Variants in ATP11C observed in about 807,000 individuals in gnomAD.
ATP11C encodes the protein phospholipid-transporting ATPase IG.
A neutral mutation model predicts 97.4 loss-of-function variants in ATP11C; 36 were observed. The observed-to-expected ratio is 0.37, with a 90% CI of 0.28 to 0.49. The LOEUF is 0.49. ATP11C is among the 20% of genes least tolerant of loss of function. The pLI, the probability that ATP11C is intolerant of heterozygous loss-of-function variation, is 0.98. For synonymous variants in ATP11C, 275 were observed against 290.9 expected (o/e 0.95, Z 0.56); for missense variants, 730 against 824.6 (o/e 0.89, Z 1.40).
intron 1 of ATP11C, among the ~76,000 whole-genome samples, chrX:139,886,903 TG>T (rs750636554): frequency 5.5e-5 from 6 of 108,612 alleles, no homozygotes; most frequent in Admixed American, 2.1e-4. Flanking sequence ...TAAACAATTT[TG>T]TAAAAAAAAA....
At chrX:139,769,566 T>C (rs1268706843) in intron 19 of ATP11C, among the ~76,000 whole-genome samples, 1 of 107,991 alleles carries the variant, frequency 9.3e-6, no homozygotes, top group East Asian at 2.9e-4. Context: ...GTGTAACAGG[T>C]GCCAAGTATT....
chrX:139,915,956 C>T (rs1286861735), intron 1 of ATP11C, among the ~76,000 whole-genome samples: 1 of 110,984 alleles, frequency 9.0e-6, no homozygotes, highest in Non-Finnish European at 1.9e-5. Context: ...GTGGCCAGCA[C>T]GGTGGCTCAC....
intron 10 of ATP11C, 69 bp from the exon 11 acceptor site, chrX:139,797,395 C>A: frequency 1.2e-6 from 1 of 836,408 alleles, no homozygotes. Flanking sequence ...ACTACTGAGT[C>A]ATCTAAAGCT....
At chrX:139,927,772 G>A (rs990336548) in intron 1 of ATP11C, among the ~76,000 whole-genome samples, 7 of 110,692 alleles carry the variant, frequency 6.3e-5, no homozygotes, top group African/African-American at 9.9e-5. Context: ...ACTATGGTCA[G>A]TATAGCTTTC....
Position 139,784,030 on chromosome X carries a change from C to T in ATP11C, c.1667-763G>A, listed in dbSNP as rs180698042. Among the ~76,000 whole-genome samples, 3 of 112,244 alleles carry T rather than the reference C, an allele frequency of 2.7e-5. No individual in the cohort carries two copies. The Admixed American group carries it at 2.8e-4, about 11-fold the overall frequency. On this transcript the variant is annotated intron_variant, in intron 16 of 29. Coordinates refer to ENST00000682941, the MANE Select transcript of ATP11C (RefSeq NM_001353812.2). ...TGATAGTTTTTACTGATGAGAATAG[C>T]TTTGTAGAATGCTGGTATAATTGCA...
chrX:139,754,726 T>C (rs1474357654), intron 23 of ATP11C, among the ~76,000 whole-genome samples: 2 of 112,341 alleles, frequency 1.8e-5, no homozygotes, highest in Non-Finnish European at 3.8e-5. Context: ...ATTTATCACA[T>C]AAACAGAACT....
intron 1 of ATP11C, among the ~76,000 whole-genome samples, chrX:139,845,502 T>C (rs1179178574): frequency 8.9e-6 from 1 of 112,115 alleles, no homozygotes; most frequent in Non-Finnish European, 1.9e-5. Flanking sequence ...GAAGTCTGAA[T>C]ATATAGTTCA....
chrX:139,798,528 G>C, intron 9 of ATP11C, 151 bp downstream of exon 9: 2 of 516,112 alleles, frequency 3.9e-6, no homozygotes, highest in Non-Finnish European at 6.3e-6. Flanking sequence ...GTCATATTTC[G>C]TCTTAGTTTA....
intron 23 of ATP11C, among the ~76,000 whole-genome samples, chrX:139,753,029 T>A (rs2081855065): frequency 9.0e-6 from 1 of 111,418 alleles, no homozygotes; most frequent in Admixed American, 9.5e-5. Context: ...CAAAGAGACT[T>A]CAACACCCTA....
intron 1 of ATP11C, among the ~76,000 whole-genome samples, chrX:139,897,161 G>A (rs1444519117): frequency 9.0e-6 from 1 of 110,515 alleles, no homozygotes. Context: ...GGGAGGCCAA[G>A]GTAGCAGTAA....
At chrX:139,901,520 T>C (rs957112699) in intron 1 of ATP11C, among the ~76,000 whole-genome samples, 4 of 111,538 alleles carry the variant, frequency 3.6e-5, no homozygotes, top group African/African-American at 1.3e-4. Context: ...GCCCTGAACA[T>C]AGCTGGCAAC....
rs866939870 is a variant in ATP11C, at chrX:139,932,192, G to T, written c.-150C>A. The stretch of plus-strand genomic sequence containing the variant: ...CACCCGCTCGCCGCCTGCCCCCCTC[G>T]GCTCTCCGCGCTCCCCCGCCCCCCA... On this transcript the variant is annotated 5_prime_UTR_variant, in exon 1 of 30. Coordinates refer to ENST00000682941, the MANE Select transcript of ATP11C (RefSeq NM_001353812.2). 1.2e-3 allele frequency: 387 copies of T among 322,218 alleles called. 2 individuals are homozygous for T. The highest frequency in any genetic ancestry group is 8.9e-3 in the African/African-American group (304 of 34,271). The allele number at this position is 322,218 out of a possible 1,213,427, so 26.6% of individuals were successfully genotyped here. A position where few individuals can be genotyped will look rare whatever the true frequency, so the allele number is the denominator to read the frequency against.
chrX:139,851,539 A>G (rs2083990392), intron 1 of ATP11C, among the ~76,000 whole-genome samples: 2 of 111,766 alleles, frequency 1.8e-5, no homozygotes, highest in African/African-American at 6.5e-5. Flanking sequence ...AGGGAAATGC[A>G]TAGTGGAAAT....
At chrX:139,840,573 T>C (rs1400318479) in intron 1 of ATP11C, among the ~76,000 whole-genome samples, 2 of 112,193 alleles carry the variant, frequency 1.8e-5, no homozygotes, top group African/African-American at 6.5e-5. Flanking sequence ...TTACATTATT[T>C]TGACTTACAG....
In ATP11C at chrX:139,782,741, TA is replaced by T; in HGVS notation, c.1771-14del. The T allele has an allele frequency of 8.9e-7, 1 of 1,117,424 alleles. No individual in the cohort carries two copies. The highest frequency in any genetic ancestry group is 1.2e-6 in the Non-Finnish European group (1 of 830,306). 92.1% of individuals were successfully genotyped at this position (1,117,424 alleles called of 1,213,427 possible). ...TCCGATACCCATCCTAGGAGTAAAG[TA>T]GGAGATCTGTAGTTATTCTAATAAT... On this transcript the variant is annotated splice_polypyrimidine_tract_variant and intron_variant, in intron 17 of 29. Transcript: ENST00000682941.
chrX:139,800,240 G>A, intron 7 of ATP11C, 130 bp from the exon 8 acceptor site: 1 of 459,887 alleles, frequency 2.2e-6, no homozygotes, highest in Middle Eastern at 4.2e-4. Flanking sequence ...AACTACAAAA[G>A]CCTATTATAT....
At chrX:139,730,131 T>C (rs1451674106) in intron 29 of ATP11C, among the ~76,000 whole-genome samples, 2 of 111,350 alleles carry the variant, frequency 1.8e-5, no homozygotes, top group African/African-American at 6.5e-5. Flanking sequence ...CTGGAAGAAA[T>C]AACTACATTA....
intron 1 of ATP11C, among the ~76,000 whole-genome samples, chrX:139,845,180 CCAGTCA>C (rs2083891065): frequency 9.0e-6 from 1 of 110,936 alleles, no homozygotes; most frequent in Non-Finnish European, 1.9e-5. Flanking sequence ...TTCATAGCCT[CCAGTCA>C]GCTCAAAACA....
At chrX:139,893,832 A>G (rs778398559) in intron 1 of ATP11C, among the ~76,000 whole-genome samples, 17 of 111,435 alleles carry the variant, frequency 1.5e-4, no homozygotes, top group Non-Finnish European at 3.2e-4. Flanking sequence ...CAGTATCATC[A>G]AATCTGGTAG....
Sources: gnomAD v4.1 joint callset for allele counts (sites outside exome capture counted in the v4.1 genomes callset) on GRCh38, gnomAD v4.1.1 for gene constraint, MANE v1.5 for transcripts, NCBI Gene and HGNC (gene_info 2026-07-23, HGNC 2026-07-21) for gene names.